Variants in CYTIP observed in about 807,000 individuals in gnomAD.
The protein encoded by CYTIP is cytohesin 1 interacting protein.
In CYTIP, 26 loss-of-function variants were observed where a neutral mutation model predicts 43.8. The observed-to-expected ratio is 0.59, with a 90% CI of 0.44 to 0.82. The LOEUF (loss-of-function observed/expected upper bound fraction) is 0.82. Among genes scored for constraint, CYTIP ranks in the 40% least tolerant of loss-of-function variants. CYTIP has a pLI of 0.00. For synonymous variants in CYTIP, 162 were observed against 162.9 expected (o/e 0.99, Z 0.04); for missense variants, 426 against 443.1 (o/e 0.96, Z 0.35).
intron 6 of CYTIP, among the ~76,000 whole-genome samples, chr2:157,424,337 A>C (rs1454432157): frequency 1.3e-5 from 2 of 152,166 alleles, no homozygotes; most frequent in Admixed American, 6.5e-5. Context: ...TTTGTAAAGA[A>C]ACGATAATAA....
At chr2:157,438,891 T>A (rs1328137435) in intron 1 of CYTIP, 1 of 356,736 alleles carries the variant, frequency 2.8e-6, no homozygotes, top group African/African-American at 2.1e-5. Context: ...ACCCTTTTAG[T>A]ATGCCGGAAA....
intron 1 of CYTIP, among the ~76,000 whole-genome samples, chr2:157,443,606 C>T (rs1685950438): frequency 6.6e-6 from 1 of 152,076 alleles, no homozygotes; most frequent in Admixed American, 6.5e-5. Flanking sequence ...TTTACCTGAG[C>T]ACTTCTTCAA....
intron 1 of CYTIP, among the ~76,000 whole-genome samples, chr2:157,440,346 C>T (rs1299331634): frequency 1.3e-5 from 2 of 152,114 alleles, no homozygotes; most frequent in African/African-American, 4.8e-5. Context: ...AATACAATAC[C>T]GCCATTTCCA....
intron 6 of CYTIP, among the ~76,000 whole-genome samples, chr2:157,422,045 G>C (rs1685529067): frequency 6.6e-6 from 1 of 152,224 alleles, no homozygotes; most frequent in Admixed American, 6.5e-5. Context: ...AAAGGAGGCT[G>C]AGAAAAGCTG....
rs1448146309 is a variant in CYTIP at position 157,420,673 on chromosome 2, AAAAAG to A, written c.547-2089_547-2085del. Among the ~76,000 whole-genome samples the A allele has an allele frequency of 8.6e-5, 13 of 151,144 alleles. No individual in the cohort carries two copies. The South Asian group carries it at 1.7e-3, about 19-fold the overall frequency. Reference sequence around the variant, plus strand: ...CACAAAAAAAAAAAAAAAAAAAAAAAAAAAGGACTGCTATGCTGCCTTATTCCCAG... The same window carrying A: ...CACAAAAAAAAAAAAAAAAAAAAAAAGACTGCTATGCTGCCTTATTCCCAG... On this transcript the variant is annotated intron_variant, in intron 6 of 7. Transcript: ENST00000264192.
chr2:157,425,339 G>A (rs996328785), intron 6 of CYTIP, among the ~76,000 whole-genome samples: 1 of 152,250 alleles, frequency 6.6e-6, no homozygotes, highest in Admixed American at 6.5e-5. Flanking sequence ...GAGGTAAGGA[G>A]TACAATGCAA....
intron 6 of CYTIP, among the ~76,000 whole-genome samples, chr2:157,424,345 TAAGAAC>T (rs1458673399): frequency 6.6e-6 from 1 of 151,942 alleles, no homozygotes; most frequent in East Asian, 1.9e-4. Context: ...GAAACGATAA[TAAGAAC>T]AAAAAACATA....
chr2:157,427,889 T>C (rs1685637883), intron 5 of CYTIP, among the ~76,000 whole-genome samples: 1 of 152,240 alleles, frequency 6.6e-6, no homozygotes, highest in Admixed American at 6.5e-5. Flanking sequence ...GGAATTAACA[T>C]GCTACTTCTT....
rs1209179604 is a variant in CYTIP, at chr2:157,431,063, T to G, written c.280-101A>C. On this transcript the variant is annotated intron_variant, in intron 3 of 7. Transcript: ENST00000264192. ...AATTATCATTAAGCAGTATAATAGG[T>G]AAGTTCAAAGGACAAAGGATTTCCA... The G allele has an allele frequency of 1.9e-5, 18 of 945,910 alleles. No individual in the cohort carries two copies. In the South Asian group the frequency reaches 3.2e-4, roughly 17 times the overall value. The allele number at this position is 945,910 out of a possible 1,614,324, so 58.6% of individuals were successfully genotyped here. A position where few individuals can be genotyped will look rare whatever the true frequency, so the allele number is the denominator to read the frequency against.
intron 3 of CYTIP, chr2:157,434,113 G>T: frequency 1.9e-6 from 1 of 540,346 alleles, no homozygotes; most frequent in Non-Finnish European, 3.3e-6. Context: ...TGATCAGTCT[G>T]GGACTTAAGG....
At chr2:157,427,315 A>T (rs369542341) in intron 6 of CYTIP, 36 bp downstream of exon 6, 13 of 1,543,856 alleles carry the variant, frequency 8.4e-6, no homozygotes, top group African/African-American at 2.8e-5. Context: ...ACATTCAAGG[A>T]TGAAAAATGT....
At chr2:157,434,589 T>G (rs1198547802) in intron 2 of CYTIP, 109 bp downstream of exon 2, 1 of 798,980 alleles carries the variant, frequency 1.3e-6, no homozygotes, top group East Asian at 2.8e-5. Flanking sequence ...CGTCTGTGTG[T>G]GTGCGTAGAG....
In CYTIP at chr2:157,434,718, A is replaced by G. The variant is rs775893411; in HGVS notation, c.204T>C (p.Ser68=). The G allele has an allele frequency of 3.1e-6, 5 of 1,611,882 alleles. No individual in the cohort carries two copies. Among genetic ancestry groups the G allele is most frequent in the Non-Finnish European group, 3.4e-6 (4 of 1,178,852 alleles). Residue 68 remains serine, a synonymous_variant, in exon 2 of 8, where the codon AGT becomes AGC. Transcript: ENST00000264192. ...TTTACCTTTGAGACCAGGAAAAGTCACTTAAAGAACTTGATCTGGTCAAAG... is the reference window on the plus strand; with the variant it reads ...TTTACCTTTGAGACCAGGAAAAGTCGCTTAAAGAACTTGATCTGGTCAAAG... ...QLALTRSSSL[S]DFSWSQRKLV...
intron 6 of CYTIP, among the ~76,000 whole-genome samples, chr2:157,418,877 G>A (rs1685479959): frequency 6.6e-6 from 1 of 152,010 alleles, no homozygotes; most frequent in African/African-American, 2.4e-5. Context: ...AAGATTATTT[G>A]GGTTTGTGAA....
chr2:157,433,168 A>T (rs1170784150), intron 3 of CYTIP, among the ~76,000 whole-genome samples: 1 of 152,190 alleles, frequency 6.6e-6, no homozygotes, highest in African/African-American at 2.4e-5. Flanking sequence ...ATTTTCCTTT[A>T]AAAAGAAGCA....
intron 3 of CYTIP, 59 bp downstream of exon 3, chr2:157,434,311 A>T: frequency 1.5e-6 from 2 of 1,305,000 alleles, no homozygotes; most frequent in South Asian, 2.4e-5. Flanking sequence ...TGCACATAAC[A>T]TGACACTACC....
intron 6 of CYTIP, among the ~76,000 whole-genome samples, chr2:157,426,703 C>T (rs1204192333): frequency 6.6e-6 from 1 of 152,136 alleles, no homozygotes; most frequent in Non-Finnish European, 1.5e-5. Context: ...AACTATGACT[C>T]AGATGCATGA....
chr2:157,423,603 G>C (rs914323897), intron 6 of CYTIP, among the ~76,000 whole-genome samples: 1 of 151,674 alleles, frequency 6.6e-6, no homozygotes, highest in Non-Finnish European at 1.5e-5. Flanking sequence ...CAGAAAATAA[G>C]AAGAGGAAAA....
At chr2:157,420,019 A>C (rs1461500852) in intron 6 of CYTIP, among the ~76,000 whole-genome samples, 5 of 152,226 alleles carry the variant, frequency 3.3e-5, no homozygotes, top group African/African-American at 1.2e-4. Context: ...TCTGTACCAT[A>C]ATATAGTCTA....
Sources: allele counts gnomAD v4.1 joint callset (sites outside exome capture counted in the v4.1 genomes callset), GRCh38; gene constraint gnomAD v4.1.1; transcripts MANE v1.5; gene names NCBI Gene and HGNC (gene_info 2026-07-23, HGNC 2026-07-21).